PHKB: variants seen among roughly 807,000 people sequenced by gnomAD.
PHKB encodes phosphorylase kinase regulatory subunit beta.
PHKB carries 122 observed loss-of-function variants against 152.1 expected under a neutral mutation model. The ratio of observed to expected loss-of-function variants is 0.80; its 90% confidence interval spans 0.69 to 0.93. The LOEUF (loss-of-function observed/expected upper bound fraction) is 0.93. Ranked by LOEUF, PHKB falls within the 40% of genes least tolerant of loss-of-function variation. The pLI is 0.00. For synonymous variants in PHKB, 436 were observed against 464.9 expected (o/e 0.94, Z 0.80); for missense variants, 1,304 against 1,328.4 (o/e 0.98, Z 0.29).
At chr16:47,474,358 G>A (rs771554335) in intron 1 of PHKB, among the ~76,000 whole-genome samples, 6 of 152,204 alleles carry the variant, frequency 3.9e-5, no homozygotes, top group African/African-American at 7.2e-5. Context: ...TTGGATTATA[G>A]ATCAAGTCTT....
intron 7 of PHKB, among the ~76,000 whole-genome samples, chr16:47,553,633 C>A (rs1251808014): frequency 6.6e-6 from 1 of 152,118 alleles, no homozygotes; most frequent in Non-Finnish European, 1.5e-5. Context: ...TTGGAAGTTT[C>A]AGCGTTTTTG....
intron 13 of PHKB, among the ~76,000 whole-genome samples, chr16:47,603,637 G>A (rs2151705835): frequency 6.6e-6 from 1 of 151,680 alleles, no homozygotes; most frequent in South Asian, 2.1e-4. Context: ...CCAAGTAGCT[G>A]GGGCTACAGG....
In PHKB at chr16:47,699,824, T is replaced by C; in HGVS notation, c.*458T>C. 5.2e-6 allele frequency: 1 copy of C among 190,512 alleles called. No individual in the cohort carries two copies. Among genetic ancestry groups the C allele is most frequent in the Non-Finnish European group, 1.1e-5 (1 of 90,080 alleles). 11.8% of individuals were successfully genotyped at this position (190,512 alleles called of 1,614,324 possible). ...ATTGTCATGCTAAAAGATGTTAATA[T>C]ACATCATAAAAGCAAAGTCAGCCAG... On this transcript the variant is annotated 3_prime_UTR_variant, in exon 31 of 31. Transcript: ENST00000323584.
At chr16:47,671,914 T>TA (rs1973645119) in intron 26 of PHKB, among the ~76,000 whole-genome samples, 1 of 152,052 alleles carries the variant, frequency 6.6e-6, no homozygotes, top group African/African-American at 2.4e-5. Context: ...TAGATAAATG[T>TA]AAAAAAAGAT....
intron 6 of PHKB, among the ~76,000 whole-genome samples, chr16:47,528,766 A>T (rs1449325059): frequency 6.8e-6 from 1 of 146,974 alleles, no homozygotes; most frequent in Non-Finnish European, 1.5e-5. Flanking sequence ...GCATGATCTC[A>T]GTTCACTGCA....
chr16:47,463,963 G>C, intron 1 of PHKB: 1 of 1,613,716 alleles, frequency 6.2e-7, no homozygotes, highest in South Asian at 1.1e-5. Context: ...TGATGCAGTC[G>C]TCTCTCCGTC....
At chr16:47,570,100 A>G (rs1001230222) in intron 7 of PHKB, among the ~76,000 whole-genome samples, 1 of 152,170 alleles carries the variant, frequency 6.6e-6, no homozygotes, top group African/African-American at 2.4e-5. Flanking sequence ...GTTTGAGGAG[A>G]CTAAAGATAG....
chr16:47,499,973 A>G (rs1597033578), intron 3 of PHKB, 79 bp downstream of exon 3: 8 of 1,533,748 alleles, frequency 5.2e-6, no homozygotes, highest in South Asian at 4.5e-5. Flanking sequence ...TTGAGCCGCT[A>G]TCTTTTGGCT....
In PHKB at chr16:47,699,569, A is replaced by G. The variant is rs1974213337; in HGVS notation, c.*203A>G. 3 of 636,644 alleles carry G rather than the reference A, an allele frequency of 4.7e-6. No individual in the cohort carries two copies. The South Asian group carries it at 5.3e-5, about 11-fold the overall frequency. 39.4% of individuals were successfully genotyped at this position (636,644 alleles called of 1,614,324 possible). A position where few individuals can be genotyped will look rare whatever the true frequency, so the allele number is the denominator to read the frequency against. On this transcript the variant is annotated 3_prime_UTR_variant, in exon 31 of 31. Coordinates refer to ENST00000323584, the MANE Select transcript of PHKB (RefSeq NM_000293.3). The stretch of plus-strand genomic sequence containing the variant: ...TAAATGCTTTTAATCAAGCAGGAAA[A>G]AGTTCTCATGATTATGCCAACTATA...
intron 4 of PHKB, among the ~76,000 whole-genome samples, chr16:47,509,078 A>G (rs1970466596): frequency 6.6e-6 from 1 of 152,214 alleles, no homozygotes; most frequent in Non-Finnish European, 1.5e-5. Flanking sequence ...TCACTTTATT[A>G]AACTGATAAA....
At chr16:47,615,573 A>G (rs1417550986) in intron 14 of PHKB, among the ~76,000 whole-genome samples, 3 of 152,146 alleles carry the variant, frequency 2.0e-5, no homozygotes, top group Admixed American at 6.5e-5. Context: ...TTCTATGCCT[A>G]TTGGTTATTT....
At position 47,539,839 on chromosome 16, in the gene PHKB, C is replaced by T. The variant is rs538803935; in HGVS notation, c.595-7594C>T. The stretch of plus-strand genomic sequence containing the variant: ...CTTTGTAAGCTGAGGACGTATGTCA[C>T]GTCAGGACCACTGTGATGATTGTGT... On this transcript the variant is annotated intron_variant, in intron 6 of 30. Coordinates refer to ENST00000323584, the MANE Select transcript of PHKB (RefSeq NM_000293.3). 4.6e-5 allele frequency among the ~76,000 whole-genome samples: 7 copies of T among 152,180 alleles called. No homozygotes were observed. The South Asian group carries it at 1.0e-3, about 23-fold the overall frequency.
At chr16:47,602,787 T>A (rs1414171173) in intron 13 of PHKB, among the ~76,000 whole-genome samples, 6 of 152,174 alleles carry the variant, frequency 3.9e-5, no homozygotes, top group Non-Finnish European at 5.9e-5. Context: ...AATACATGTT[T>A]AAATGGTTCT....
intron 14 of PHKB, among the ~76,000 whole-genome samples, chr16:47,629,185 A>G (rs1174811818): frequency 6.6e-6 from 1 of 152,062 alleles, no homozygotes; most frequent in Non-Finnish European, 1.5e-5. Flanking sequence ...GATCTAATTA[A>G]ACTAAAGAGC....
At chr16:47,467,591 T>G (rs772051486) in intron 1 of PHKB, among the ~76,000 whole-genome samples, 5 of 152,202 alleles carry the variant, frequency 3.3e-5, no homozygotes, top group Non-Finnish European at 7.3e-5. Context: ...ACCTCTGACC[T>G]CTTACTAGGA....
At chr16:47,505,844 C>T (rs1043873883) in intron 4 of PHKB, among the ~76,000 whole-genome samples, 1 of 150,052 alleles carries the variant, frequency 6.7e-6, no homozygotes, top group African/African-American at 2.5e-5. Flanking sequence ...AGCAGCCTGG[C>T]CAACATGGTG....
intron 13 of PHKB, among the ~76,000 whole-genome samples, chr16:47,604,627 A>G (rs1972291882): frequency 6.6e-6 from 1 of 152,162 alleles, no homozygotes; most frequent in Non-Finnish European, 1.5e-5. Flanking sequence ...GTCCTATGTA[A>G]TTTTTGTGTT....
chr16:47,545,182 C>T (rs1971137352), intron 6 of PHKB, among the ~76,000 whole-genome samples: 1 of 152,174 alleles, frequency 6.6e-6, no homozygotes, highest in South Asian at 2.1e-4. Context: ...CAGTTTCTTC[C>T]TAGCATCGAT....
Position 47,641,036 on chromosome 16 carries a change from GCC to G in PHKB, c.1462_1463del (p.Pro488ThrfsTer4), listed in dbSNP as rs1567337869. 2 of 1,613,502 alleles carry G rather than the reference GCC, an allele frequency of 1.2e-6. No homozygotes were observed. The highest frequency in any genetic ancestry group is 2.7e-5 in the African/African-American group (2 of 74,878). Reference sequence around the variant, plus strand: ...CCCCTCCCTTATTCTGCATTACAGGGCCCACTGGAAAATGACTTGGTAGTTCA... The same window carrying G: ...CCCCTCCCTTATTCTGCATTACAGGGCACTGGAAAATGACTTGGTAGTTCA... On this transcript the variant is annotated frameshift_variant and splice_region_variant, in exon 15 of 31. Transcript: ENST00000323584. LOFTEE classifies it high-confidence loss of function.
Sources: allele counts gnomAD v4.1 joint callset (sites outside exome capture counted in the v4.1 genomes callset), GRCh38; gene constraint gnomAD v4.1.1; transcripts MANE v1.5; gene names NCBI Gene and HGNC (gene_info 2026-07-23, HGNC 2026-07-21).